Variants in FAM135B observed in about 807,000 individuals in gnomAD.
FAM135B encodes protein FAM135B.
FAM135B carries 43 observed loss-of-function variants against 127.7 expected under a neutral mutation model. The observed-to-expected ratio is 0.34, with a 90% CI of 0.26 to 0.43. The LOEUF is 0.43. Ranked by LOEUF, FAM135B falls within the 20% of genes least tolerant of loss-of-function variation. The probability of loss-of-function intolerance (pLI) is 1.00; values close to 1 mark genes in which losing one functional copy is unlikely to be tolerated. For missense variants in FAM135B, 1,558 were observed against 1,725.6 expected (o/e 0.90, Z 1.72); for synonymous variants, 670 against 665.1 (o/e 1.01, Z -0.11).
intron 1 of FAM135B, among the ~76,000 whole-genome samples, chr8:138,415,720 A>G (rs556652701): frequency 2.6e-4 from 40 of 152,324 alleles, no homozygotes; most frequent in African/African-American, 9.1e-4. Flanking sequence ...ATTAGTGTGA[A>G]GAGCTAATCA....
rs866764770 is a variant in FAM135B at position 138,426,060 on chromosome 8, T to C, written c.-19-58058A>G. ...ACACACACACACACACATATATATA[T>C]ACACACACACACATATATAAAATGT... On this transcript the variant is annotated intron_variant, in intron 1 of 19. Transcript: ENST00000395297. 8.5e-3 allele frequency among the ~76,000 whole-genome samples: 1,086 copies of C among 127,936 alleles called. 28 individuals are homozygous for C. Among genetic ancestry groups the C allele is most frequent in the Non-Finnish European group, 9.6e-3 (603 of 62,868 alleles). The allele number at this position is 127,936 out of a possible 152,430, so 83.9% of individuals were successfully genotyped here.
chr8:138,295,622 T>C (rs1323308098), intron 3 of FAM135B, among the ~76,000 whole-genome samples: 3 of 151,930 alleles, frequency 2.0e-5, no homozygotes, highest in Non-Finnish European at 2.9e-5. Flanking sequence ...CTGAAGGAAA[T>C]GAAGGCGTGA....
At chr8:138,370,596 A>G (rs1831051128) in intron 1 of FAM135B, among the ~76,000 whole-genome samples, 1 of 151,838 alleles carries the variant, frequency 6.6e-6, no homozygotes, top group African/African-American at 2.4e-5. Flanking sequence ...GACTACAGGC[A>G]CCCACCACCA....
intron 2 of FAM135B, among the ~76,000 whole-genome samples, chr8:138,333,870 A>G (rs188918408): frequency 1.3e-5 from 2 of 152,240 alleles, no homozygotes; most frequent in East Asian, 3.9e-4. Context: ...GATCCATTTT[A>G]GTGGCCAGAA....
intron 3 of FAM135B, among the ~76,000 whole-genome samples, chr8:138,278,331 C>G (rs977530547): frequency 6.6e-6 from 1 of 151,638 alleles, no homozygotes; most frequent in East Asian, 2.0e-4. Context: ...ACATCCACTA[C>G]CTGAAAGTCA....
intron 2 of FAM135B, among the ~76,000 whole-genome samples, chr8:138,313,166 C>G (rs1335593716): frequency 6.6e-6 from 1 of 152,200 alleles, no homozygotes; most frequent in Non-Finnish European, 1.5e-5. Flanking sequence ...GAGTCTCACT[C>G]TGTCACCCAG....
chr8:138,355,467 GGA>G (rs1303297868), intron 2 of FAM135B, among the ~76,000 whole-genome samples: 1 of 2,586 alleles, frequency 3.9e-4, no homozygotes, highest in Admixed American at 9.8e-3. Context: ...ACTATCACAA[GGA>G]CAAAAAAATC....
chr8:138,202,010 A>G (rs1167493961), intron 7 of FAM135B, among the ~76,000 whole-genome samples: 1 of 151,434 alleles, frequency 6.6e-6, no homozygotes, highest in Non-Finnish European at 1.5e-5. Context: ...CTGTAATCCC[A>G]GCTACTCAGG....
chr8:138,477,201 T>C (rs1403511227), intron 1 of FAM135B: 3 of 152,238 alleles, frequency 2.0e-5, no homozygotes, highest in Non-Finnish European at 4.4e-5. Context: ...ATGTGTCTAG[T>C]TGAGACTAAG....
chr8:138,353,216 G>A (rs1032596248), intron 2 of FAM135B, among the ~76,000 whole-genome samples: 4 of 152,100 alleles, frequency 2.6e-5, no homozygotes, highest in Admixed American at 6.5e-5. Flanking sequence ...TAGTAAAACC[G>A]GGTTTATATG....
intron 1 of FAM135B, among the ~76,000 whole-genome samples, chr8:138,407,044 G>T (rs955711880): frequency 5.3e-5 from 8 of 151,078 alleles, no homozygotes; most frequent in African/African-American, 2.0e-4. Flanking sequence ...AAGCTGATAA[G>T]CAACTTCAGC....
At chr8:138,271,506 G>C (rs1276891343) in intron 3 of FAM135B, among the ~76,000 whole-genome samples, 2 of 152,110 alleles carry the variant, frequency 1.3e-5, no homozygotes, top group Non-Finnish European at 2.9e-5. Flanking sequence ...TTGGGATTCA[G>C]CATTGAACAC....
intron 5 of FAM135B, among the ~76,000 whole-genome samples, chr8:138,253,854 C>A (rs1051379421): frequency 3.9e-5 from 6 of 152,180 alleles, no homozygotes; most frequent in Admixed American, 3.3e-4. Context: ...TAATGTCCAC[C>A]CCAGGATATG....
At chr8:138,397,231 C>CAG (rs1832902685) in intron 1 of FAM135B, among the ~76,000 whole-genome samples, 1 of 152,176 alleles carries the variant, frequency 6.6e-6, no homozygotes, top group Non-Finnish European at 1.5e-5. Context: ...GGGCACAAAA[C>CAG]CACCCACAAC....
chr8:138,379,381 T>A (rs111982949), intron 1 of FAM135B, among the ~76,000 whole-genome samples: 3,724 of 149,346 alleles, frequency 0.025, 144 homozygotes, highest in African/African-American at 0.085. Flanking sequence ...AAATGTATAT[T>A]TTTTTTTAGT....
intron 2 of FAM135B, among the ~76,000 whole-genome samples, chr8:138,329,071 C>T (rs562971339): frequency 4.6e-5 from 7 of 151,854 alleles, no homozygotes; most frequent in South Asian, 4.2e-4. Flanking sequence ...AGTAGGCCAC[C>T]GAAAACTCCA....
In FAM135B at chr8:138,152,345, A is replaced by T. The variant is rs779347360; in HGVS notation, c.2130T>A (p.Asp710Glu). The change falls in exon 13 of 20, where the codon GAT (aspartate) becomes GAA (glutamate). Residue 710 changes from aspartate to glutamate, a missense_variant. Physicochemically the swap from Asp to Glu is conservative, Grantham distance 45 (BLOSUM62 2). Transcript: ENST00000395297. ...ARSRALELPS[D>E]REVLHPFVRR... ...GAACAAACGGGTGCAAGACTTCCCG[A>T]TCACTGGGCAACTCCAGAGCCCTGC... 1 of 1,614,024 alleles carries T rather than the reference A, an allele frequency of 6.2e-7. No individual in the cohort carries two copies. The highest frequency in any genetic ancestry group is 8.5e-7 in the Non-Finnish European group (1 of 1,180,032).
intron 1 of FAM135B, among the ~76,000 whole-genome samples, chr8:138,403,388 T>A (rs1380001361): frequency 2.0e-5 from 3 of 152,102 alleles, no homozygotes; most frequent in African/African-American, 7.2e-5. Flanking sequence ...TCATTCATGA[T>A]ATCCAAGTCA....
At chr8:138,484,480 G>A (rs1435731609) in intron 1 of FAM135B, among the ~76,000 whole-genome samples, 2 of 152,218 alleles carry the variant, frequency 1.3e-5, no homozygotes, top group Non-Finnish European at 2.9e-5. Context: ...TCTGGCGACT[G>A]TGTGACTGTG....
Sources: gnomAD v4.1 joint callset for allele counts (sites outside exome capture counted in the v4.1 genomes callset) on GRCh38, gnomAD v4.1.1 for gene constraint, MANE v1.5 for transcripts, NCBI Gene and HGNC (gene_info 2026-07-23, HGNC 2026-07-21) for gene names.